The following GLT8D2 variants were observed in gnomAD, a reference collection of about 807,000 sequenced individuals.
GLT8D2 encodes glycosyltransferase 8 domain containing 2, also known as glycosyltransferase 8 domain-containing protein 2.
GLT8D2 carries 45 observed loss-of-function variants against 44.5 expected under a neutral mutation model. The ratio of observed to expected loss-of-function variants is 1.01; its 90% CI spans 0.80 to 1.30. The LOEUF (loss-of-function observed/expected upper bound fraction) is 1.30. Ranked by LOEUF, GLT8D2 falls within the 50% of genes most tolerant of loss-of-function variation. The pLI is 0.00. For synonymous variants in GLT8D2, 156 were observed against 157.2 expected, an observed-to-expected ratio of 0.99 and a Z score of 0.06; for missense variants, 400 against 430.4, an observed-to-expected ratio of 0.93 and a Z score of 0.62.
intron 4 of GLT8D2, among the ~76,000 whole-genome samples, chr12:104,004,376 C>T (rs1051186236): frequency 6.6e-6 from 1 of 152,092 alleles, no homozygotes; most frequent in Non-Finnish European, 1.5e-5. Flanking sequence ...GAAGTTCTGG[C>T]CAGGGCAATC....
intron 1 of GLT8D2, among the ~76,000 whole-genome samples, chr12:104,032,935 A>G (rs187716721): frequency 2.2e-4 from 33 of 150,204 alleles, no homozygotes; most frequent in Non-Finnish European, 4.3e-4. Flanking sequence ...GCTGGAATGC[A>G]GTGGCACAAT....
At chr12:104,029,204 C>T (rs1242653370) in intron 1 of GLT8D2, among the ~76,000 whole-genome samples, 5 of 152,042 alleles carry the variant, frequency 3.3e-5, no homozygotes, top group Non-Finnish European at 7.4e-5. Context: ...GCAGGAGAAT[C>T]GCTTGAACCT....
At chr12:103,995,862 A>C (rs1407325689) in intron 8 of GLT8D2, among the ~76,000 whole-genome samples, 1 of 152,186 alleles carries the variant, frequency 6.6e-6, no homozygotes, top group Non-Finnish European at 1.5e-5. Context: ...TTTTCTAAGA[A>C]CTTTACATGT....
chr12:104,002,180 C>T (rs1397039205), intron 5 of GLT8D2, among the ~76,000 whole-genome samples: 4 of 152,088 alleles, frequency 2.6e-5, no homozygotes, highest in East Asian at 3.8e-4. Context: ...AGGCTGGTCT[C>T]GAGCCTGATC....
intron 8 of GLT8D2, among the ~76,000 whole-genome samples, chr12:103,996,373 G>A (rs1873423207): frequency 6.6e-6 from 1 of 152,232 alleles, no homozygotes; most frequent in Non-Finnish European, 1.5e-5. Context: ...AGAGCATGGT[G>A]ATGAGCAACC....
intron 1 of GLT8D2, among the ~76,000 whole-genome samples, chr12:104,047,467 G>T (rs767769458): frequency 6.6e-6 from 1 of 152,012 alleles, no homozygotes; most frequent in Non-Finnish European, 1.5e-5. Context: ...ACCACGCCTG[G>T]CTAATTTTTT....
chr12:103,996,196 C>T (rs1873393849), intron 8 of GLT8D2, among the ~76,000 whole-genome samples: 1 of 152,198 alleles, frequency 6.6e-6, no homozygotes, highest in South Asian at 2.1e-4. Context: ...TTCAGCATTG[C>T]ATGTAGGTTC....
At chr12:103,999,803 A>G (rs1873965883) in intron 5 of GLT8D2, among the ~76,000 whole-genome samples, 1 of 152,220 alleles carries the variant, frequency 6.6e-6, no homozygotes, top group East Asian at 1.9e-4. Flanking sequence ...AACAGGAAGA[A>G]TGAAAAGTAT....
rs779890221 is a variant in GLT8D2, at chr12:104,014,369, A to G, written c.112+644T>C. 6.0e-6 allele frequency: 4 copies of G among 666,476 alleles called. No homozygotes were observed. The South Asian group carries it at 6.4e-5, about 11-fold the overall frequency. The allele number at this position is 666,476 out of a possible 1,614,324, so 41.3% of individuals were successfully genotyped here. On this transcript the variant is annotated intron_variant, in intron 4 of 10. Coordinates refer to ENST00000360814, the MANE Select transcript of GLT8D2 (RefSeq NM_001384711.1). ...GATTCTGTCTCAAAAAAAAAAGTAA[A>G]TTAATTAAAAATGTAATAAACAGTG...
At chr12:103,997,910 T>C (rs1873669749) in intron 6 of GLT8D2, among the ~76,000 whole-genome samples, 2 of 90,812 alleles carry the variant, frequency 2.2e-5, no homozygotes, top group Admixed American at 1.4e-4. Flanking sequence ...AAATCAGCCT[T>C]AAATACACAC....
rs755239545 is a variant in GLT8D2, at chr12:103,993,498, G to T, written c.774C>A (p.Asn258Lys). 4 of 1,566,748 alleles carry T rather than the reference G, an allele frequency of 2.6e-6. No individual in the cohort carries two copies. In the African/African-American group the frequency reaches 4.1e-5, roughly 16 times the overall value. The change falls in exon 10 of 11, where the codon AAC (asparagine) becomes AAA (lysine). Residue 258 changes from asparagine to lysine, a missense_variant. Coordinates refer to ENST00000360814, the MANE Select transcript of GLT8D2 (RefSeq NM_001384711.1). ...CTCCTCCCAGGGAGCTGCTATAGAG[G>T]TTTTCCCTAAGAAATGAAATAGAAA... ...EKWMQKNVEE[N>K]LYSSSLGGGV...
At chr12:104,005,324 A>G (rs1874837105) in intron 4 of GLT8D2, among the ~76,000 whole-genome samples, 1 of 152,236 alleles carries the variant, frequency 6.6e-6, no homozygotes, top group South Asian at 2.1e-4. Flanking sequence ...AGGCATGGGC[A>G]AGGACTTCAT....
chr12:104,041,178 C>T (rs573583723), intron 1 of GLT8D2, among the ~76,000 whole-genome samples: 1 of 152,212 alleles, frequency 6.6e-6, no homozygotes, highest in South Asian at 2.1e-4. Context: ...CTTTGGGAGG[C>T]TGAGGTGGGT....
chr12:104,059,204 T>C (rs940059773), intron 1 of GLT8D2, among the ~76,000 whole-genome samples: 22 of 152,206 alleles, frequency 1.4e-4, no homozygotes, highest in African/African-American at 5.1e-4. Flanking sequence ...TAATCTATAA[T>C]AGAGAATTAA....
intron 1 of GLT8D2, among the ~76,000 whole-genome samples, chr12:104,039,695 G>A (rs1355952106): frequency 6.6e-6 from 1 of 152,212 alleles, no homozygotes; most frequent in Non-Finnish European, 1.5e-5. Context: ...AACACTGTTG[G>A]TGGGAGTGTA....
chr12:104,004,485 C>T (rs1196432650), intron 4 of GLT8D2, among the ~76,000 whole-genome samples: 1 of 152,110 alleles, frequency 6.6e-6, no homozygotes, highest in Non-Finnish European at 1.5e-5. Flanking sequence ...AAAACCCGAC[C>T]GTCTCAGCCC....
intron 1 of GLT8D2, 127 bp downstream of exon 1, chr12:104,049,768 A>C (rs1593575489): frequency 6.6e-6 from 1 of 152,242 alleles, no homozygotes; most frequent in Non-Finnish European, 1.5e-5. Context: ...CTGAAGGCAA[A>C]GTTTGTGTGG....
chr12:104,047,628 C>T (rs952387241), intron 1 of GLT8D2, among the ~76,000 whole-genome samples: 3 of 152,114 alleles, frequency 2.0e-5, no homozygotes, highest in Admixed American at 2.0e-4. Context: ...TTTACAAGGG[C>T]ACTAATCCCA....
upstream of GLT8D2, among the ~76,000 whole-genome samples, chr12:104,051,437 TTTG>T (rs1451349575): frequency 2.0e-5 from 3 of 152,222 alleles, no homozygotes; most frequent in African/African-American, 4.8e-5. Flanking sequence ...TTTTATGTTC[TTTG>T]TTTTGTCTTT....
Sources: allele counts gnomAD v4.1 joint callset (sites outside exome capture counted in the v4.1 genomes callset), GRCh38; gene constraint gnomAD v4.1.1; transcripts MANE v1.5; gene names NCBI Gene and HGNC (gene_info 2026-07-23, HGNC 2026-07-21).